The following TSPEAR variants were observed in gnomAD, a reference collection of about 807,000 sequenced individuals.
TSPEAR encodes thrombospondin type laminin G domain and EAR repeats.
Under a neutral mutation model 71.6 loss-of-function variants are expected in TSPEAR, and 69 were observed. That is an observed-to-expected ratio of 0.96 (90% confidence interval 0.79 to 1.18). TSPEAR has a LOEUF of 1.18. TSPEAR is among the 50% of genes most tolerant of loss of function. The pLI is 0.00. For synonymous variants in TSPEAR, 402 were observed against 387.2 expected (o/e 1.04, Z -0.45); for missense variants, 971 against 894.9 (o/e 1.09, Z -1.09).
At position 44,710,401 on chromosome 21, in the gene TSPEAR, G is replaced by C. The variant is rs1224896509; in HGVS notation, c.82+1032C>G. The stretch of plus-strand genomic sequence containing the variant: ...ACAGCCATCCGTCCCTGGGTGGGCA[G>C]GCACGTTTATGACCCCCACCCCCAC... On this transcript the variant is annotated intron_variant, in intron 1 of 11. Transcript: ENST00000323084. The surrounding 1 kb of genome is among the most constrained non-coding windows in gnomAD (Gnocchi z 4.6). Among the ~76,000 whole-genome samples the C allele has an allele frequency of 6.6e-6, 1 of 150,666 alleles. No individual in the cohort carries two copies. Among genetic ancestry groups the C allele is most frequent in the African/African-American group, 2.5e-5 (1 of 40,284 alleles).
chr21:44,596,654 C>T (rs587678071), intron 1 of TSPEAR, among the ~76,000 whole-genome samples: 77 of 152,344 alleles, frequency 5.1e-4, no homozygotes, highest in African/African-American at 1.6e-3. Flanking sequence ...CCCACACCCT[C>T]GCCAACCCAT....
At chr21:44,667,037 A>G in intron 1 of TSPEAR, 1 of 919,796 alleles carries the variant, frequency 1.1e-6, no homozygotes, top group Non-Finnish European at 1.6e-6. Flanking sequence ...TGTCTCCTGG[A>G]GCTTAATTTT....
rs375106389 is a variant in TSPEAR, at chr21:44,665,424, G to T, written c.82+46009C>A. On this transcript the variant is annotated intron_variant, in intron 1 of 11. Transcript: ENST00000323084. ...CAGAGCCCCCCAGGAGGGGAATACA[G>T]CCCAGACAGGGGAAATGCAGAAGAA... Among the ~76,000 whole-genome samples the T allele has an allele frequency of 2.9e-4, 44 of 152,342 alleles. 1 individual carries two copies. The South Asian group carries it at 7.7e-3, about 27-fold the overall frequency.
At chr21:44,637,851 C>A (rs782109219) in intron 1 of TSPEAR, 1 of 1,593,912 alleles carries the variant, frequency 6.3e-7, no homozygotes, top group Non-Finnish European at 8.6e-7. Context: ...TGCCAGCAGG[C>A]CTGCTGTGTG....
chr21:44,579,364 G>A (rs1978708192), intron 1 of TSPEAR: 2 of 267,902 alleles, frequency 7.5e-6, no homozygotes, highest in Admixed American at 9.8e-5. Flanking sequence ...TGACTTCTAG[G>A]TTAAGTCACT....
chr21:44,622,719 G>C (rs587643082), intron 1 of TSPEAR, among the ~76,000 whole-genome samples: 7 of 152,150 alleles, frequency 4.6e-5, no homozygotes, highest in Non-Finnish European at 8.8e-5. Flanking sequence ...CTATAACCCG[G>C]TATGACCTCA....
rs190190269 is a variant in TSPEAR, at chr21:44,623,133, T to C, written c.83-55128A>G. ...GAACCATGAGCCAACTAAACTTTCG[T>C]CTTATAAATTACCCAGTCTCAAATA... On this transcript the variant is annotated intron_variant, in intron 1 of 11. Transcript: ENST00000323084. The surrounding 1 kb of genome is among the most constrained non-coding windows in gnomAD (Gnocchi z 4.5). Among the ~76,000 whole-genome samples, 6 of 152,202 alleles carry C rather than the reference T, an allele frequency of 3.9e-5. No individual in the cohort carries two copies. In the East Asian group the frequency reaches 1.2e-3, roughly 29 times the overall value.
At chr21:44,528,962 C>T (rs1234766104) in intron 5 of TSPEAR, among the ~76,000 whole-genome samples, 1 of 152,232 alleles carries the variant, frequency 6.6e-6, no homozygotes, top group Non-Finnish European at 1.5e-5. Context: ...GACGGCTTGG[C>T]TTGAACCTGT....
rs368081757 is a variant in TSPEAR, at chr21:44,580,505, C to G, written c.83-12500G>C. The G allele has an allele frequency of 1.9e-6, 3 of 1,613,532 alleles. No individual in the cohort carries two copies. In the African/African-American group the frequency reaches 4.0e-5, roughly 22 times the overall value. ...GGTGCCGCAGGGGGGCTCACAGCAG[C>G]TCTCTGGGCAGTCGTCCACTCGCCA... On this transcript the variant is annotated intron_variant, in intron 1 of 11. Coordinates refer to ENST00000323084, the MANE Select transcript of TSPEAR (RefSeq NM_144991.3).
intron 9 of TSPEAR, chr21:44,518,637 C>T (rs1555913832): frequency 2.1e-6 from 1 of 470,888 alleles, no homozygotes; most frequent in Non-Finnish European, 4.4e-6. Flanking sequence ...GGGTGCGCGA[C>T]TCTGCTCTCA....
At chr21:44,581,930 TTC>T (rs1555925194) in intron 1 of TSPEAR, among the ~76,000 whole-genome samples, 2 of 152,244 alleles carry the variant, frequency 1.3e-5, no homozygotes, top group African/African-American at 4.8e-5. Flanking sequence ...TTCCATCTGT[TTC>T]TCTTTTCTAC....
intron 1 of TSPEAR, among the ~76,000 whole-genome samples, chr21:44,636,971 C>T (rs1166682415): frequency 4.6e-5 from 7 of 152,228 alleles, no homozygotes; most frequent in African/African-American, 1.7e-4. Flanking sequence ...GCACCTCCGT[C>T]CTGGCTCTCC....
chr21:44,613,378 C>G (rs1981851926), intron 1 of TSPEAR, among the ~76,000 whole-genome samples: 1 of 152,210 alleles, frequency 6.6e-6, no homozygotes, highest in Non-Finnish European at 1.5e-5. Flanking sequence ...CAGGAAGGCT[C>G]AGTCCCGGCT....
chr21:44,701,853 A>G (rs782724950), intron 1 of TSPEAR, among the ~76,000 whole-genome samples: 2 of 152,294 alleles, frequency 1.3e-5, no homozygotes, highest in South Asian at 2.1e-4. Flanking sequence ...ACCCCCTGCT[A>G]TAGAACACTA....
chr21:44,666,172 G>A (rs1255171015), intron 1 of TSPEAR: 117 of 459,908 alleles, frequency 2.5e-4, no homozygotes, highest in Middle Eastern at 1.1e-3. Flanking sequence ...AAAAAAGAAA[G>A]ACCAGAAATG....
At chr21:44,505,172 G>A (rs2052164168) in intron 10 of TSPEAR, among the ~76,000 whole-genome samples, 2 of 152,196 alleles carry the variant, frequency 1.3e-5, no homozygotes, top group South Asian at 2.1e-4. Flanking sequence ...TCTGCCTCTC[G>A]GATTCAAGCG....
chr21:44,556,776 T>C (rs2053538364), intron 2 of TSPEAR, among the ~76,000 whole-genome samples: 1 of 152,064 alleles, frequency 6.6e-6, no homozygotes, highest in African/African-American at 2.4e-5. Flanking sequence ...CTGAAAACAA[T>C]TGAAAACACT....
At chr21:44,557,597 G>A (rs1164659752) in intron 2 of TSPEAR, among the ~76,000 whole-genome samples, 1 of 152,158 alleles carries the variant, frequency 6.6e-6, no homozygotes, top group Admixed American at 6.5e-5. Context: ...CACCCCCGGG[G>A]CCTGGAGACG....
intron 1 of TSPEAR, among the ~76,000 whole-genome samples, chr21:44,698,590 G>T (rs547044488): frequency 2.6e-5 from 4 of 152,166 alleles, no homozygotes; most frequent in Admixed American, 6.5e-5. Context: ...ACATTTCCCC[G>T]CCAAGTTGCC....
Sources: gnomAD v4.1 joint callset for allele counts (sites outside exome capture counted in the v4.1 genomes callset) on GRCh38, gnomAD v4.1.1 for gene constraint, Gnocchi (gnomAD v3.1) non-coding constraint, MANE v1.5 for transcripts, NCBI Gene and HGNC (gene_info 2026-07-23, HGNC 2026-07-21) for gene names.